The following GRAMD1B variants were observed in gnomAD, a reference collection of about 807,000 sequenced individuals.
GRAMD1B encodes the protein protein Aster-B.
GRAMD1B carries 37 observed loss-of-function variants against 99.7 expected under a neutral mutation model. The observed-to-expected ratio is 0.37, with a 90% CI of 0.29 to 0.49. The LOEUF is 0.49. GRAMD1B is among the 20% of genes least tolerant of loss of function. GRAMD1B has a pLI of 0.98. For missense variants in GRAMD1B, 888 were observed against 1,009.2 expected, an observed-to-expected ratio of 0.88 and a Z score of 1.63; for synonymous variants, 427 against 387.6, an observed-to-expected ratio of 1.10 and a Z score of -1.19.
intron 3 of GRAMD1B, among the ~76,000 whole-genome samples, chr11:123,582,766 C>T (rs1273432494): frequency 1.3e-5 from 2 of 152,352 alleles, no homozygotes; most frequent in African/African-American, 2.4e-5. Flanking sequence ...CACACACCCA[C>T]CCTTGTGCGT....
intron 2 of GRAMD1B, among the ~76,000 whole-genome samples, chr11:123,575,063 G>A (rs1291779593): frequency 6.9e-6 from 1 of 144,116 alleles, no homozygotes; most frequent in African/African-American, 2.6e-5. Flanking sequence ...GTAGATCTTT[G>A]CATGGTGTGT....
intron 1 of GRAMD1B, among the ~76,000 whole-genome samples, chr11:123,360,711 A>G (rs1861111940): frequency 6.6e-6 from 1 of 152,102 alleles, no homozygotes; most frequent in Non-Finnish European, 1.5e-5. Context: ...TTCAATGATC[A>G]TAGGCCTGAA....
intron 2 of GRAMD1B, among the ~76,000 whole-genome samples, chr11:123,500,344 A>T (rs1414647866): frequency 6.6e-6 from 1 of 152,112 alleles, no homozygotes; most frequent in Non-Finnish European, 1.5e-5. Flanking sequence ...TAATTAACTA[A>T]ATAAATACCA....
intron 1 of GRAMD1B, among the ~76,000 whole-genome samples, chr11:123,434,766 C>T (rs150886767): frequency 0.02 from 3,024 of 152,198 alleles, 56 homozygotes; most frequent in Non-Finnish European, 0.029. Context: ...CCAGCCTGGG[C>T]GACAGAGCAA....
At chr11:123,532,541 G>C (rs1425910488) in intron 2 of GRAMD1B, among the ~76,000 whole-genome samples, 9 of 152,206 alleles carry the variant, frequency 5.9e-5, no homozygotes, top group African/African-American at 2.2e-4. Flanking sequence ...CTCTTCCTAA[G>C]ACACAGCAGC....
intron 1 of GRAMD1B, among the ~76,000 whole-genome samples, chr11:123,467,502 C>CA (rs1950747727): frequency 6.8e-6 from 1 of 147,444 alleles, no homozygotes; most frequent in African/African-American, 2.5e-5. Context: ...GCTTGAGATG[C>CA]AGCTTCCTCA....
At chr11:123,496,246 G>A (rs2135101058) in intron 2 of GRAMD1B, among the ~76,000 whole-genome samples, 1 of 152,084 alleles carries the variant, frequency 6.6e-6, no homozygotes, top group South Asian at 2.1e-4. Flanking sequence ...TAGGGTAAAA[G>A]GTTTTTTTTT....
At chr11:123,435,367 TGTTTTTTCATTA>T in intron 1 of GRAMD1B, 1 of 695,308 alleles carries the variant, frequency 1.4e-6, no homozygotes, top group Non-Finnish European at 2.6e-6. Context: ...TTTTAATTTT[TGTTTTTTCATTA>T]TTTGTTTCAT....
At chr11:123,384,595 A>T (rs1164368959) in intron 1 of GRAMD1B, among the ~76,000 whole-genome samples, 1 of 152,112 alleles carries the variant, frequency 6.6e-6, no homozygotes, top group African/African-American at 2.4e-5. Context: ...CAGGGGTTTT[A>T]TCTGTTCTGT....
intron 1 of GRAMD1B, among the ~76,000 whole-genome samples, chr11:123,395,891 A>C (rs1304047050): frequency 6.6e-6 from 1 of 152,234 alleles, no homozygotes; most frequent in Admixed American, 6.5e-5. Context: ...CCTTTTAAAA[A>C]TATTTTCTGT....
At chr11:123,360,443 C>T (rs1946099877) in intron 1 of GRAMD1B, among the ~76,000 whole-genome samples, 1 of 152,172 alleles carries the variant, frequency 6.6e-6, no homozygotes, top group South Asian at 2.1e-4. Context: ...TCATCCTCAC[C>T]TTGCAATTTG....
chr11:123,478,242 G>A (rs1951403175), intron 1 of GRAMD1B, among the ~76,000 whole-genome samples: 1 of 151,876 alleles, frequency 6.6e-6, no homozygotes, highest in African/African-American at 2.4e-5. Flanking sequence ...GAACTCCTGG[G>A]TTTGAGCGAT....
At chr11:123,441,807 AG>A (rs1205864462) in intron 1 of GRAMD1B, among the ~76,000 whole-genome samples, 1 of 94,990 alleles carries the variant, frequency 1.1e-5, no homozygotes, top group African/African-American at 4.6e-5. Flanking sequence ...AAAGAGAGAG[AG>A]AAAAAAAAGT....
chr11:123,614,793 A>T lies in GRAMD1B; in HGVS notation c.2276A>T (p.His759Leu). Residue 759 changes from histidine (H) to leucine (L), a missense_variant, in exon 17 of 20, where the codon CAC becomes CTC. Physicochemically the swap from His to Leu is moderately conservative, Grantham distance 99. Transcript: ENST00000635736. ...CCGGAGGACACCCCCAACGGTTTCC[A>T]CCTGCAGAGCGTGTCCAAGCTGCTG... Reference protein sequence around the residue: ...HIPEDTPNGFHLQSVSKLLLV... With the variant: ...HIPEDTPNGFLLQSVSKLLLV... 1 of 1,612,722 alleles carries T rather than the reference A, an allele frequency of 6.2e-7. No homozygotes were observed. The highest frequency in any genetic ancestry group is 8.5e-7 in the Non-Finnish European group (1 of 1,178,884).
intron 2 of GRAMD1B, among the ~76,000 whole-genome samples, chr11:123,512,278 G>C (rs988085194): frequency 3.3e-5 from 5 of 152,230 alleles, no homozygotes; most frequent in African/African-American, 1.2e-4. Context: ...AAAGCCTCTA[G>C]TGAACTAGCT....
At position 123,568,802 on chromosome 11, in the gene GRAMD1B, C is replaced by T. The variant is rs571400987; in HGVS notation, c.453-8565C>T. Among the ~76,000 whole-genome samples the T allele has an allele frequency of 4.3e-3, 650 of 152,280 alleles. 3 individuals carry two copies. Among genetic ancestry groups the T allele is most frequent in the African/African-American group, 0.015 (620 of 41,556 alleles). ...CAACTCTTCTCAAAGCTGTTCTGGT[C>T]CCTTCTTTCAAACAGGTAATCACAG... On this transcript the variant is annotated intron_variant, in intron 2 of 19. Coordinates refer to ENST00000635736, the MANE Select transcript of GRAMD1B (RefSeq NM_001387025.1).
In GRAMD1B at chr11:123,368,038, G is replaced by A. The variant is rs777180802; in HGVS notation, c.-176+9239G>A. On this transcript the variant is annotated intron_variant, in intron 1 of 20. Coordinates refer to the GRAMD1B transcript ENST00000638157. ...TGGGAGGCCTAGGCAGGTGGATCAC[G>A]AGGTCAGGAGTTTGAGACCAGCCTG... is the stretch of plus-strand genomic sequence containing the variant. Among the ~76,000 whole-genome samples the A allele has an allele frequency of 7.3e-5, 11 of 151,718 alleles. No individual in the cohort carries two copies. In the South Asian group the frequency reaches 1.0e-3, roughly 14 times the overall value.
intron 1 of GRAMD1B, among the ~76,000 whole-genome samples, chr11:123,417,960 T>G (rs1033762200): frequency 1.3e-5 from 2 of 152,106 alleles, no homozygotes; most frequent in African/African-American, 4.8e-5. Flanking sequence ...AGATCAGGTC[T>G]TGCTATGTTG....
intron 11 of GRAMD1B, among the ~76,000 whole-genome samples, 178 bp downstream of exon 11, chr11:123,606,976 A>G (rs1952832263): frequency 6.6e-6 from 1 of 152,188 alleles, no homozygotes; most frequent in Non-Finnish European, 1.5e-5. Flanking sequence ...CATTTGCTGT[A>G]GGAGCCTCCC....
Sources: allele counts gnomAD v4.1 joint callset (sites outside exome capture counted in the v4.1 genomes callset), GRCh38; gene constraint gnomAD v4.1.1; transcripts MANE v1.5; gene names NCBI Gene and HGNC (gene_info 2026-07-23, HGNC 2026-07-21).